PRUNE2: variants seen among roughly 807,000 people sequenced by gnomAD.
The protein encoded by PRUNE2 is prune homolog 2 with BCH domain.
In PRUNE2, 164 loss-of-function variants were observed where a neutral mutation model predicts 252.0. The observed-to-expected ratio is 0.65, with a 90% confidence interval of 0.57 to 0.74. The LOEUF is 0.74. Among genes scored for constraint, PRUNE2 ranks in the 30% least tolerant of loss-of-function variants. The pLI, the probability that PRUNE2 is intolerant of heterozygous loss-of-function variation, is 0.00. For synonymous variants in PRUNE2, 1,292 were observed against 1,350.2 expected, an observed-to-expected ratio of 0.96 and a Z score of 0.94; for missense variants, 3,495 against 3,711.0, an observed-to-expected ratio of 0.94 and a Z score of 1.51.
intron 6 of PRUNE2, among the ~76,000 whole-genome samples, chr9:76,721,299 C>T (rs1435795138): frequency 6.6e-6 from 1 of 152,066 alleles, no homozygotes; most frequent in Non-Finnish European, 1.5e-5. Context: ...TCATCATTTC[C>T]ACCGTTTCAC....
chr9:76,731,296 A>C (rs535487570), intron 6 of PRUNE2, among the ~76,000 whole-genome samples: 5,119 of 96,660 alleles, frequency 0.053, 315 homozygotes, highest in African/African-American at 0.21. Context: ...CTATCTATCT[A>C]TCTATCTATC....
intron 9 of PRUNE2, among the ~76,000 whole-genome samples, chr9:76,695,162 A>C (rs1269120454): frequency 6.6e-6 from 1 of 152,084 alleles, no homozygotes; most frequent in Non-Finnish European, 1.5e-5. Context: ...CAGCCTCCCA[A>C]GTAGCTGGGA....
chr9:76,887,289 G>C (rs1302998744), intron 1 of PRUNE2, among the ~76,000 whole-genome samples: 1 of 151,962 alleles, frequency 6.6e-6, no homozygotes, highest in African/African-American at 2.4e-5. Context: ...ATAGCTACTG[G>C]AGATTTTCAT....
At chr9:76,735,808 T>C (rs535371219) in intron 6 of PRUNE2, among the ~76,000 whole-genome samples, 1 of 152,332 alleles carries the variant, frequency 6.6e-6, no homozygotes, top group Admixed American at 6.5e-5. Flanking sequence ...GAATTGGTGA[T>C]ACCCATTTAA....
chr9:76,628,161 GACACACAGAAA>G (rs1270543176), intron 16 of PRUNE2, among the ~76,000 whole-genome samples: 1 of 152,036 alleles, frequency 6.6e-6, no homozygotes, highest in East Asian at 1.9e-4. Context: ...CAAAAAAAAA[GACACACAGAAA>G]ACAATCGTTC....
At position 76,706,985 on chromosome 9, in the gene PRUNE2, G is replaced by A. The variant is rs775421209; in HGVS notation, c.5289C>T (p.Ser1763=). 3 of 1,614,004 alleles carry A rather than the reference G, an allele frequency of 1.9e-6. No individual in the cohort carries two copies. The highest frequency in any genetic ancestry group is 2.5e-6 in the Non-Finnish European group (3 of 1,179,878). Reference sequence around the variant, plus strand: ...ATGGTGAGAAAGTCCAGGGATCAGGGCTGCTTTGTTGATTGTCACAGAATG... The same window carrying A: ...ATGGTGAGAAAGTCCAGGGATCAGGACTGCTTTGTTGATTGTCACAGAATG... ...SNPFCDNQQS[S]PDPWTFSPLT... The change falls in exon 8 of 19, where the codon AGC becomes AGT. Residue 1763 remains serine (S), a synonymous_variant. Transcript: ENST00000376718.
At chr9:76,866,891 T>C (rs1318021582) in intron 1 of PRUNE2, among the ~76,000 whole-genome samples, 1 of 150,876 alleles carries the variant, frequency 6.6e-6, no homozygotes, top group Non-Finnish European at 1.5e-5. Flanking sequence ...AGGGAGGGAA[T>C]GCCCTTTCCG....
At chr9:76,682,181 G>A (rs1229665280) in intron 9 of PRUNE2, among the ~76,000 whole-genome samples, 1 of 151,562 alleles carries the variant, frequency 6.6e-6, no homozygotes, top group Non-Finnish European at 1.5e-5. Context: ...CTTTAAAAGA[G>A]GCTTTATTTT....
At chr9:76,788,558 C>A (rs748383457) in intron 6 of PRUNE2, 2 of 716,326 alleles carry the variant, frequency 2.8e-6, no homozygotes, top group African/African-American at 3.5e-5. Context: ...GTGTTGACAA[C>A]AATGACAGTG....
intron 17 of PRUNE2, among the ~76,000 whole-genome samples, chr9:76,621,685 T>C (rs73454189): frequency 6.7e-6 from 1 of 148,968 alleles, no homozygotes; most frequent in Non-Finnish European, 1.5e-5. Flanking sequence ...AAATGCAGAC[T>C]TTTTTTTTTC....
intron 6 of PRUNE2, among the ~76,000 whole-genome samples, chr9:76,805,544 A>G (rs1319032073): frequency 6.6e-6 from 1 of 152,192 alleles, no homozygotes; most frequent in East Asian, 1.9e-4. Flanking sequence ...GCAGTGCGCC[A>G]TGATAGTATC....
Position 76,905,997 on chromosome 9 carries a change from G to A in PRUNE2, c.-34C>T, listed in dbSNP as rs138036144. 6.2e-7 allele frequency: 1 copy of A among 1,612,434 alleles called. No homozygotes were observed. Among genetic ancestry groups the A allele is most frequent in the African/African-American group, 1.3e-5 (1 of 75,008 alleles). ...TAGGGGTTTGGAACCCGGGTACTCG[G>A]AGGGGCGCAGTGGAAAATCTCGGCC... On this transcript the variant is annotated 5_prime_UTR_variant, in exon 1 of 19. Transcript: ENST00000376718.
intron 4 of PRUNE2, among the ~76,000 whole-genome samples, chr9:76,845,000 T>TAAAAA (rs55754002): frequency 9.9e-5 from 6 of 60,752 alleles, no homozygotes; most frequent in African/African-American, 1.8e-4. Flanking sequence ...CCCCCTCTCT[T>TAAAAA]AAAAAAAAAA....
intron 9 of PRUNE2, among the ~76,000 whole-genome samples, chr9:76,675,730 C>T (rs1467961816): frequency 8.2e-6 from 1 of 121,496 alleles, no homozygotes; most frequent in Non-Finnish European, 1.8e-5. Context: ...GAATACTATG[C>T]AGCCATAAAA....
In PRUNE2 at chr9:76,708,693, T is replaced by C; in HGVS notation, c.3581A>G (p.Glu1194Gly). ...ACTGGGAGCACTGTCCTTGGTATGC[T>C]CATCAGAGGCAGGGAGCTCCCAATC... is the stretch of plus-strand genomic sequence containing the variant. ...QVDWELPASD[E>G]HTKDSAPSEH... is the part of the protein sequence containing the mutation. Residue 1194 changes from glutamate to glycine, a missense_variant, in exon 8 of 19, where the codon GAG becomes GGG. Transcript: ENST00000376718. 6.2e-7 allele frequency: 1 copy of C among 1,613,958 alleles called. No homozygotes were observed. The highest frequency in any genetic ancestry group is 8.5e-7 in the Non-Finnish European group (1 of 1,179,884).
intron 9 of PRUNE2, among the ~76,000 whole-genome samples, chr9:76,656,703 G>T (rs1849376427): frequency 6.6e-6 from 1 of 152,172 alleles, no homozygotes; most frequent in Non-Finnish European, 1.5e-5. Context: ...GTGGAGTTGG[G>T]ATGATGGAGC....
intron 1 of PRUNE2, among the ~76,000 whole-genome samples, chr9:76,875,969 G>C (rs1479905955): frequency 6.6e-6 from 1 of 152,174 alleles, no homozygotes; most frequent in Non-Finnish European, 1.5e-5. Context: ...GATCTGGAGT[G>C]GGGCCCAGTT....
chr9:76,649,227 C>A (rs1846157420), intron 11 of PRUNE2, among the ~76,000 whole-genome samples: 1 of 152,138 alleles, frequency 6.6e-6, no homozygotes, highest in Non-Finnish European at 1.5e-5. Flanking sequence ...TGACCAATGC[C>A]ACTTATCTGT....
chr9:76,703,647 A>G lies in PRUNE2; in HGVS notation c.7966T>C (p.Ser2656Pro). ...LDARDSGPGW[S>P]GKTVEPFSEL... ...GAGAACGGCTCCACAGTCTTGCCAG[A>G]CCACCCAGGCCCTGAGTCCCTGGCA... Residue 2656 changes from serine (S) to proline (P), a missense_variant, in exon 9 of 19, where the codon TCT (serine) becomes CCT (proline). By Grantham distance (74) the Ser-to-Pro change is moderately conservative. Transcript: ENST00000376718. The G allele has an allele frequency of 6.2e-7, 1 of 1,612,390 alleles. No individual in the cohort carries two copies. Among genetic ancestry groups the G allele is most frequent in the African/African-American group, 1.3e-5 (1 of 74,982 alleles).
Sources: gnomAD v4.1 joint callset for allele counts (sites outside exome capture counted in the v4.1 genomes callset) on GRCh38, gnomAD v4.1.1 for gene constraint, MANE v1.5 for transcripts, NCBI Gene and HGNC (gene_info 2026-07-23, HGNC 2026-07-21) for gene names.